Variants in PCNT observed in about 807,000 individuals in gnomAD.
PCNT encodes the protein pericentrin, also known as kendrin.
A neutral mutation model predicts 380.4 loss-of-function variants in PCNT; 319 were observed. That is an observed-to-expected ratio of 0.84 (90% CI 0.77 to 0.92). The LOEUF is 0.92. PCNT is among the 40% of genes least tolerant of loss of function. The pLI is 0.00. For missense variants in PCNT, 4,400 were observed against 4,255.3 expected (o/e 1.03, Z -0.95); for synonymous variants, 1,845 against 1,735.2 (o/e 1.06, Z -1.57).
chr21:46,354,783 A>G (rs1319125414), intron 11 of PCNT, among the ~76,000 whole-genome samples: 2 of 152,214 alleles, frequency 1.3e-5, no homozygotes, highest in Non-Finnish European at 2.9e-5. Context: ...GTGTCCAGGC[A>G]GGGTGGCAGC....
intron 15 of PCNT, among the ~76,000 whole-genome samples, chr21:46,378,656 A>G (rs1288001494): frequency 1.3e-5 from 2 of 152,236 alleles, no homozygotes; most frequent in African/African-American, 2.4e-5. Context: ...TTTCAAAATG[A>G]CGTTGAACAC....
chr21:46,386,579 G>A (rs900583042), intron 17 of PCNT, among the ~76,000 whole-genome samples: 11 of 152,350 alleles, frequency 7.2e-5, no homozygotes, highest in African/African-American at 2.6e-4. Flanking sequence ...CCGTGGGGCC[G>A]CCTTCCCTGA....
intron 38 of PCNT, among the ~76,000 whole-genome samples, chr21:46,433,413 C>A (rs538285276): frequency 6.6e-6 from 1 of 152,122 alleles, no homozygotes; most frequent in Non-Finnish European, 1.5e-5. Context: ...TTGGAATAGT[C>A]GTAGTTTTTT....
chr21:46,352,363 G>A (rs956690551), intron 9 of PCNT, among the ~76,000 whole-genome samples: 6 of 152,194 alleles, frequency 3.9e-5, no homozygotes, highest in Non-Finnish European at 7.3e-5. Context: ...TCTTCCTCTG[G>A]GGGTCTGTCT....
At chr21:46,444,642 CA>C in intron 45 of PCNT, 51 bp from the exon 46 acceptor site, 2 of 1,522,252 alleles carry the variant, frequency 1.3e-6, no homozygotes, top group Non-Finnish European at 1.8e-6. Context: ...CTGTCAAACT[CA>C]ACTCTTTTTT....
At chr21:46,426,069 CTTT>C (rs760416456) in intron 33 of PCNT, 98 bp downstream of exon 33, 3,150 of 295,228 alleles carry the variant, frequency 0.011, 3 homozygotes, top group African/African-American at 0.017. Flanking sequence ...GGATTTCTTT[CTTT>C]TTTTTTTTTT....
rs776706307 is a variant in PCNT, at chr21:46,431,789, A to G, written c.8325A>G (p.Thr2775=). The change falls in exon 38 of 47, where the codon ACA becomes ACG. Residue 2775 remains threonine, a synonymous_variant. Transcript: ENST00000359568. The part of the protein sequence containing the change: ...RLLTEQLSQR[T]QEACVHQDTQ... Reference sequence around the variant, plus strand: ...TGACCGAGCAGCTGAGCCAGAGGACACAGGAGGCTTGCGTGCACCAGGACA... The same window carrying G: ...TGACCGAGCAGCTGAGCCAGAGGACGCAGGAGGCTTGCGTGCACCAGGACA... 2.9e-5 allele frequency: 46 copies of G among 1,613,332 alleles called. No homozygotes were observed. The highest frequency in any genetic ancestry group is 3.8e-5 in the Non-Finnish European group (45 of 1,180,042).
In PCNT at chr21:46,399,602, C is replaced by A. The variant is rs1379638059; in HGVS notation, c.4597C>A (p.Gln1533Lys). ...TTTGTTGTTTTAGGTTGAGTTGTTACAACAAAAGTTGAGAGAAAAGTTGGA... is the reference window on the plus strand; with the variant it reads ...TTTGTTGTTTTAGGTTGAGTTGTTAAAACAAAAGTTGAGAGAAAAGTTGGA... ...APLDGEVELL[Q>K]QKLREKLDEF... The change falls in exon 25 of 47, where the codon CAA becomes AAA. Residue 1533 changes from glutamine to lysine, a missense_variant. Coordinates refer to ENST00000359568, the MANE Select transcript of PCNT (RefSeq NM_006031.6). The A allele has an allele frequency of 6.2e-6, 10 of 1,612,014 alleles. No homozygotes were observed. Among genetic ancestry groups the A allele is most frequent in the African/African-American group, 1.3e-5 (1 of 74,858 alleles).
rs1228446046 is a variant in PCNT, at chr21:46,388,923, C to CA, written c.3607+40dup. On this transcript the variant is annotated intron_variant, in intron 18 of 46. Transcript: ENST00000359568. The surrounding 1 kb of genome is among the most constrained non-coding windows in gnomAD (Gnocchi z 4.2). ...GACCAGCTGCCCAGCCCTGTGCTTG[C>CA]AGCCCCTCTGTGGTCCTGGAGCTCT... 1 of 1,560,270 alleles carries CA rather than the reference C, an allele frequency of 6.4e-7. No homozygotes were observed. The highest frequency in any genetic ancestry group is 2.3e-5 in the East Asian group (1 of 42,896).
intron 17 of PCNT, among the ~76,000 whole-genome samples, chr21:46,386,786 A>G (rs553766331): frequency 7.2e-5 from 11 of 152,240 alleles, no homozygotes; most frequent in African/African-American, 2.4e-4. Context: ...GAGCCTGCAG[A>G]GTTGTTCTTG....
Position 46,385,896 on chromosome 21 carries a change from TGCA to T in PCNT, c.3382_3384del (p.Gln1128del). 1 of 1,614,224 alleles carries T rather than the reference TGCA, an allele frequency of 6.2e-7. No homozygotes were observed. Among genetic ancestry groups the T allele is most frequent in the East Asian group, 2.2e-5 (1 of 44,884 alleles). The stretch of plus-strand genomic sequence containing the variant: ...GAGTGCCGCTCCGAGTTGGAGGTGC[TGCA>T]GCAGAGGCGGGAGCGGGAGAACCGG... On this transcript the variant is annotated inframe_deletion, in exon 17 of 47. Transcript: ENST00000359568.
rs746661597 is a variant in PCNT at position 46,416,812 on chromosome 21, C to T, written c.6894C>T (p.Asp2298=). The T allele has an allele frequency of 1.8e-5, 28 of 1,598,426 alleles. 1 individual carries two copies. Among genetic ancestry groups the T allele is most frequent in the South Asian group, 6.6e-5 (6 of 90,974 alleles). The change falls in exon 30 of 47, where the codon GAC becomes GAT. Residue 2298 remains aspartate, a synonymous_variant. Coordinates refer to ENST00000359568, the MANE Select transcript of PCNT (RefSeq NM_006031.6). Reference sequence around the variant, plus strand: ...AGTGGGCCGAGTCTCCGCCGGCTGACGACCACCATGTGCAGAGGACGGCTG... The same window carrying T: ...AGTGGGCCGAGTCTCCGCCGGCTGATGACCACCATGTGCAGAGGACGGCTG... The part of the protein sequence containing the change: ...ALQWAESPPA[D]DHHVQRTAVE...
chr21:46,366,711 C>T lies in PCNT; in HGVS notation c.2737C>T (p.Leu913=). The stretch of plus-strand genomic sequence containing the variant: ...CCAGGAGAGACACCAGCAGCAGCTC[C>T]TGTCAGTGACGGCGGAGCTCGAGGC... ...LLQERHQQQL[L]SVTAELEARH... Residue 913 remains leucine (L), a synonymous_variant, in exon 15 of 47, where the codon CTG becomes TTG. Transcript: ENST00000359568. 6.2e-7 allele frequency: 1 copy of T among 1,613,774 alleles called. No homozygotes were observed.
At chr21:46,426,083 T>TC in intron 33 of PCNT, 112 bp downstream of exon 33, 16 of 1,076,818 alleles carry the variant, frequency 1.5e-5, no homozygotes, top group East Asian at 5.1e-5. Flanking sequence ...TTTTTTTTTT[T>TC]TTTTTTTTTT....
At chr21:46,377,974 C>G (rs2147094452) in intron 15 of PCNT, among the ~76,000 whole-genome samples, 1 of 152,252 alleles carries the variant, frequency 6.6e-6, no homozygotes, top group South Asian at 2.1e-4. Flanking sequence ...TCAGCGTGTG[C>G]CCTCGGTGTC....
chr21:46,348,519 C>A lies in PCNT; in HGVS notation c.1033-493C>A, dbSNP rs75952295. 1.4e-3 allele frequency among the ~76,000 whole-genome samples: 214 copies of A among 152,324 alleles called. 2 individuals are homozygous for A. In the East Asian group the frequency reaches 0.035, roughly 25 times the overall value. On this transcript the variant is annotated intron_variant, in intron 6 of 46. Transcript: ENST00000359568. ...TTGCTCACTTTTCCTCAACTGCTTGCCTCCTGGATGCTTCTGCTTTTCTGT... is the reference window on the plus strand; with the variant it reads ...TTGCTCACTTTTCCTCAACTGCTTGACTCCTGGATGCTTCTGCTTTTCTGT...
chr21:46,357,009 G>A lies in PCNT; in HGVS notation c.1972G>A (p.Gly658Arg), dbSNP rs202197939. Residue 658 changes from glycine (G) to arginine (R), a missense_variant, in exon 13 of 47, where the codon GGG becomes AGG. Physicochemically the swap from Gly to Arg is moderately radical, Grantham distance 125. Coordinates refer to ENST00000359568, the MANE Select transcript of PCNT (RefSeq NM_006031.6). ...PWVHLQGVQD[G>R]DLEADTERAA... The stretch of plus-strand genomic sequence containing the variant: ...GGTGCATCTCCAGGGTGTGCAGGAC[G>A]GGGACTTGGAGGCCGACACAGAGCG... 6 of 1,614,086 alleles carry A rather than the reference G, an allele frequency of 3.7e-6. No homozygotes were observed. The African/African-American group carries it at 4.0e-5, about 11-fold the overall frequency.
chr21:46,362,282 G>T (rs1049487570), intron 13 of PCNT, among the ~76,000 whole-genome samples: 2 of 152,214 alleles, frequency 1.3e-5, no homozygotes, highest in African/African-American at 4.8e-5. Flanking sequence ...CTCTGGCTCA[G>T]TGAGGGATTT....
At chr21:46,352,428 C>T (rs974378999) in intron 9 of PCNT, among the ~76,000 whole-genome samples, 1 of 152,130 alleles carries the variant, frequency 6.6e-6, no homozygotes, top group African/African-American at 2.4e-5. Context: ...ACAGCTGCTC[C>T]CCGCGGGCTC....
Sources: gnomAD v4.1 joint callset for allele counts (sites outside exome capture counted in the v4.1 genomes callset) on GRCh38, gnomAD v4.1.1 for gene constraint, Gnocchi (gnomAD v3.1) non-coding constraint, MANE v1.5 for transcripts, NCBI Gene and HGNC (gene_info 2026-07-23, HGNC 2026-07-21) for gene names.